The following POMT2 variants were observed in gnomAD, a reference collection of about 807,000 sequenced individuals.
POMT2 encodes the protein protein O-mannosyltransferase 2, also known as protein O-mannosyl-transferase 2.
A neutral mutation model predicts 100.0 loss-of-function variants in POMT2; 75 were observed. The observed-to-expected ratio is 0.75, with a 90% confidence interval of 0.62 to 0.91. The LOEUF is 0.91. Ranked by LOEUF, POMT2 falls within the 40% of genes least tolerant of loss-of-function variation. The probability of loss-of-function intolerance (pLI) is 0.00; values close to 1 mark genes in which losing one functional copy is unlikely to be tolerated. For synonymous variants in POMT2, 378 were observed against 374.1 expected (o/e 1.01, Z -0.12); for missense variants, 940 against 955.1 (o/e 0.98, Z 0.21).
At chr14:77,309,865 G>A (rs955108256) in intron 2 of POMT2, among the ~76,000 whole-genome samples, 2 of 152,034 alleles carry the variant, frequency 1.3e-5, no homozygotes, top group Admixed American at 6.6e-5. Flanking sequence ...GTATTTTTAC[G>A]TGGAGTTTCA....
intron 2 of POMT2, chr14:77,306,919 G>C: frequency 5.1e-6 from 1 of 196,292 alleles, no homozygotes; most frequent in Non-Finnish European, 1.1e-5. Context: ...AAGAAAATCA[G>C]ACAGAGGAAT....
chr14:77,303,481 C>T (rs1042046924), intron 4 of POMT2, among the ~76,000 whole-genome samples: 10 of 152,190 alleles, frequency 6.6e-5, no homozygotes, highest in Non-Finnish European at 1.5e-4. Flanking sequence ...CTGCCAGAGT[C>T]TGTGCGGTCT....
At position 77,304,713 on chromosome 14, in the gene POMT2, T is replaced by C; in HGVS notation, c.526A>G (p.Thr176Ala). 6.3e-7 allele frequency: 1 copy of C among 1,593,632 alleles called. No homozygotes were observed. Among genetic ancestry groups the C allele is most frequent in the Non-Finnish European group, 8.5e-7 (1 of 1,171,100 alleles). ...TTACCAAAGGTGAGGAGGGCAGCTG[T>C]GAGCAGTGCTGCCGAGAGGGACTTG... Reference protein sequence around the residue: ...LSKSLSAALLTAALLTFDTGC... With the variant: ...LSKSLSAALLAAALLTFDTGC... The change falls in exon 4 of 21, where the codon ACA becomes GCA. Residue 176 changes from threonine to alanine, a missense_variant. Coordinates refer to ENST00000261534, the MANE Select transcript of POMT2 (RefSeq NM_013382.7).
At position 77,285,612 on chromosome 14, in the gene POMT2, A is replaced by AT. The variant is rs769202974; in HGVS notation, c.1352dup (p.Asn451LysfsTer2). On this transcript the variant is annotated frameshift_variant, in exon 13 of 21. Coordinates refer to ENST00000261534, the MANE Select transcript of POMT2 (RefSeq NM_013382.7). LOFTEE classifies it high-confidence loss of function. The stretch of plus-strand genomic sequence containing the variant: ...TTACGACCTCAATCCGCCAGAAATC[A>AT]TTTGAGTCCCCTGTTCCATTCTGCC... The AT allele has an allele frequency of 6.2e-7, 1 of 1,612,904 alleles. No individual in the cohort carries two copies. Among genetic ancestry groups the AT allele is most frequent in the Non-Finnish European group, 8.5e-7 (1 of 1,179,028 alleles).
At chr14:77,289,112 C>T (rs1000928398) in intron 10 of POMT2, among the ~76,000 whole-genome samples, 1 of 151,668 alleles carries the variant, frequency 6.6e-6, no homozygotes, top group South Asian at 2.1e-4. Context: ...AACTTCTGGC[C>T]GGGCACAGTG....
chr14:77,306,311 G>T, intron 3 of POMT2, 26 bp downstream of exon 3: 1 of 1,610,040 alleles, frequency 6.2e-7, no homozygotes, highest in African/African-American at 1.3e-5. Context: ...GGTTCAGTCA[G>T]TCCATTTCAA....
intron 1 of POMT2, among the ~76,000 whole-genome samples, chr14:77,312,990 T>C (rs2363640): frequency 0.83 from 125,710 of 152,264 alleles, 52,095 homozygotes; most frequent in East Asian, 0.95. Flanking sequence ...AGTAAATAAG[T>C]GATTTGAATA....
chr14:77,307,063 G>A (rs1891251538), intron 2 of POMT2, among the ~76,000 whole-genome samples: 1 of 152,222 alleles, frequency 6.6e-6, no homozygotes, highest in Admixed American at 6.5e-5. Context: ...ATTAGAAACT[G>A]AGACTGTGAG....
At chr14:77,290,418 G>A (rs368820502) in intron 10 of POMT2, among the ~76,000 whole-genome samples, 4 of 152,296 alleles carry the variant, frequency 2.6e-5, no homozygotes, top group East Asian at 1.9e-4. Flanking sequence ...GGTTGTATAC[G>A]CCACGTTTCT....
chr14:77,299,505 C>T lies in POMT2; in HGVS notation c.873G>A (p.Leu291=). 6.2e-7 allele frequency: 1 copy of T among 1,614,156 alleles called. No homozygotes were observed. Among genetic ancestry groups the T allele is most frequent in the East Asian group, 2.2e-5 (1 of 44,890 alleles). ...CAGCAAAGGTGGCTGTATAGAGAGC[C>T]AGGGGCAGCACTATGAGGCACAGGA... ...ARVLCLIVLP[L]ALYTATFAVH... The change falls in exon 7 of 21, where the codon CTG becomes CTA. Residue 291 remains leucine, a synonymous_variant. Coordinates refer to ENST00000261534, the MANE Select transcript of POMT2 (RefSeq NM_013382.7).
rs543861062 is a variant in POMT2 at position 77,320,803 on chromosome 14, A to T, written c.-122T>A. 3.2e-4 allele frequency: 444 copies of T among 1,408,710 alleles called. No individual in the cohort carries two copies. The highest frequency in any genetic ancestry group is 3.8e-4 in the Non-Finnish European group (410 of 1,090,604). The allele number at this position is 1,408,710 out of a possible 1,614,324, so 87.3% of individuals were successfully genotyped here. ...CGGGAAATGCAACGCCCTTCACTGC[A>T]GCGGAGCGCGGGGCCCCGGGCTCGG... On this transcript the variant is annotated 5_prime_UTR_variant, in exon 1 of 21. Transcript: ENST00000261534.
rs535865728 is a variant in POMT2, at chr14:77,300,890, C to T, written c.816+200G>A. ...ACTTCCAAGAATGTTAATCTATCCT[C>T]TCCCTTGAACCCTATCCAGTCCTCA... On this transcript the variant is annotated intron_variant, in intron 6 of 20. Transcript: ENST00000261534. 2.0e-4 allele frequency: 148 copies of T among 753,134 alleles called. No individual in the cohort carries two copies. The African/African-American group carries it at 2.3e-3, about 12-fold the overall frequency. 46.7% of individuals were successfully genotyped at this position (753,134 alleles called of 1,614,324 possible). A position where few individuals can be genotyped will look rare whatever the true frequency, so the allele number is the denominator to read the frequency against.
In POMT2 at chr14:77,295,410, A is replaced by G. The variant is rs1480195969; in HGVS notation, c.1116+754T>C. Among the ~76,000 whole-genome samples the G allele has an allele frequency of 2.0e-5, 3 of 152,146 alleles. No individual in the cohort carries two copies. The South Asian group carries it at 6.2e-4, about 32-fold the overall frequency. On this transcript the variant is annotated intron_variant, in intron 9 of 20. Coordinates refer to ENST00000261534, the MANE Select transcript of POMT2 (RefSeq NM_013382.7). ...CACTTTGGGAGGCCGAGGCAGGTGG[A>G]TCATGAGGTCAGGAGATCGAGACTA...
At chr14:77,293,655 C>T (rs181859142) in intron 9 of POMT2, among the ~76,000 whole-genome samples, 98 of 152,328 alleles carry the variant, frequency 6.4e-4, no homozygotes, top group African/African-American at 2.3e-3. Flanking sequence ...TTAGTCCAAT[C>T]CCCTCAATTT....
In POMT2 at chr14:77,275,262, G is replaced by A. The variant is rs1889894365; in HGVS notation, c.*2114C>T. ...AGCATCTGCCAGTTTGGGCATGGAG[G>A]AACAGAAAGTGGGCAGGGAATTCTC... is the stretch of plus-strand genomic sequence containing the variant. On this transcript the variant is annotated 3_prime_UTR_variant, in exon 21 of 21. Coordinates refer to ENST00000261534, the MANE Select transcript of POMT2 (RefSeq NM_013382.7). 6.6e-6 allele frequency: 1 copy of A among 152,250 alleles called. No homozygotes were observed. Among genetic ancestry groups the A allele is most frequent in the African/African-American group, 2.4e-5 (1 of 41,462 alleles). 9.4% of individuals were successfully genotyped at this position (152,250 alleles called of 1,614,324 possible).
intron 2 of POMT2, among the ~76,000 whole-genome samples, chr14:77,310,205 T>C (rs918030042): frequency 6.6e-6 from 1 of 152,126 alleles, no homozygotes; most frequent in Admixed American, 6.5e-5. Flanking sequence ...GTCTGAGGAG[T>C]GAGCCAAGGC....
intron 9 of POMT2, among the ~76,000 whole-genome samples, chr14:77,292,085 T>C (rs140112876): frequency 4.6e-5 from 7 of 152,304 alleles, no homozygotes; most frequent in African/African-American, 1.7e-4. Flanking sequence ...GAAAAATTCA[T>C]GCTATTATAT....
At position 77,312,317 on chromosome 14, in the gene POMT2, T is replaced by C. The variant is rs1376861854; in HGVS notation, c.249-284A>G. On this transcript the variant is annotated intron_variant, in intron 1 of 20. Coordinates refer to ENST00000261534, the MANE Select transcript of POMT2 (RefSeq NM_013382.7). Reference sequence around the variant, plus strand: ...ACTTACTCTGTATCTTGAGTTTCTATTTATTTTAAAAGGACAAGATGTTTT... The same window carrying C: ...ACTTACTCTGTATCTTGAGTTTCTACTTATTTTAAAAGGACAAGATGTTTT... 3 of 322,300 alleles carry C rather than the reference T, an allele frequency of 9.3e-6. No individual in the cohort carries two copies. In the Admixed American group the frequency reaches 1.4e-4, roughly 15 times the overall value. 20.0% of individuals were successfully genotyped at this position (322,300 alleles called of 1,614,324 possible).
At chr14:77,303,932 T>C (rs1264457961) in intron 4 of POMT2, among the ~76,000 whole-genome samples, 1 of 152,096 alleles carries the variant, frequency 6.6e-6, no homozygotes, top group Non-Finnish European at 1.5e-5. Context: ...GCTGGGTAGG[T>C]GCTTGAGAAA....
Sources: allele counts gnomAD v4.1 joint callset (sites outside exome capture counted in the v4.1 genomes callset), GRCh38; gene constraint gnomAD v4.1.1; transcripts MANE v1.5; gene names NCBI Gene and HGNC (gene_info 2026-07-23, HGNC 2026-07-21).